The following KLF8 variants were observed in gnomAD, a reference collection of about 807,000 sequenced individuals.
KLF8 encodes Krueppel-like factor 8.
A neutral mutation model predicts 18.2 loss-of-function variants in KLF8; 10 were observed. The ratio of observed to expected loss-of-function variants is 0.55; its 90% CI spans 0.34 to 0.93. The LOEUF (loss-of-function observed/expected upper bound fraction) is 0.93. Among genes scored for constraint, KLF8 ranks in the 40% least tolerant of loss-of-function variants. The pLI is 0.02. For missense variants in KLF8, 264 were observed against 277.9 expected (o/e 0.95, Z 0.36); for synonymous variants, 109 against 97.3 (o/e 1.12, Z -0.71).
chrX:56,151,960 A>T, the KLF8 span, among the ~76,000 whole-genome samples: 1 of 111,331 alleles, frequency 9.0e-6, no homozygotes, highest in Non-Finnish European at 1.9e-5. Context: ...ATAGTACAAA[A>T]TACAAATAAT....
the KLF8 span, among the ~76,000 whole-genome samples, chrX:55,934,386 T>G: frequency 8.9e-6 from 1 of 111,863 alleles, no homozygotes; most frequent in African/African-American, 3.2e-5. Context: ...ATAGAAAAAG[T>G]TAAAGATCTC....
the KLF8 span, among the ~76,000 whole-genome samples, chrX:56,031,577 C>T: frequency 3.6e-5 from 4 of 111,726 alleles, no homozygotes; most frequent in Non-Finnish European, 3.8e-5. Flanking sequence ...AATTGCCTAC[C>T]CGGGAGCGCT....
the KLF8 span, among the ~76,000 whole-genome samples, chrX:56,199,255 A>C: frequency 0.078 from 8,765 of 111,832 alleles, 840 homozygotes; most frequent in African/African-American, 0.27. Context: ...TAATTAAACT[A>C]AAGAGCTTCT....
the KLF8 span, among the ~76,000 whole-genome samples, chrX:55,997,271 T>C: frequency 5.4e-4 from 60 of 111,807 alleles, no homozygotes; most frequent in Non-Finnish European, 1.1e-3. Context: ...GAAGCATCAT[T>C]AGCCAGTGCG....
At chrX:56,232,061 T>C (rs1469208998), upstream of KLF8, among the ~76,000 whole-genome samples, 1 of 111,402 alleles carries the variant, frequency 9.0e-6, no homozygotes, top group Non-Finnish European at 1.9e-5. Flanking sequence ...GTCAGCTTTT[T>C]TGTTTTCTCC....
chrX:56,054,912 T>C, the KLF8 span, among the ~76,000 whole-genome samples: 1 of 112,117 alleles, frequency 8.9e-6, no homozygotes, highest in Admixed American at 9.5e-5. Flanking sequence ...TTTTGTGCTT[T>C]CTTTTTTTTC....
At chrX:55,929,198 C>T in the KLF8 span, among the ~76,000 whole-genome samples, 118 of 112,242 alleles carry the variant, frequency 1.1e-3, no homozygotes, top group African/African-American at 3.3e-3. Context: ...TCATATCCTT[C>T]GCCCACTTTT....
the KLF8 span, among the ~76,000 whole-genome samples, chrX:55,989,707 T>C: frequency 8.9e-6 from 1 of 111,956 alleles, no homozygotes; most frequent in Non-Finnish European, 1.9e-5. Context: ...TCAGGATAAT[T>C]CTGGCCTCAT....
At chrX:56,004,363 T>C in the KLF8 span, among the ~76,000 whole-genome samples, 1 of 112,033 alleles carries the variant, frequency 8.9e-6, no homozygotes, top group African/African-American at 3.2e-5. Context: ...CATTGAGTAA[T>C]TGGGGGAGAG....
At chrX:55,924,637 T>C in the KLF8 span, among the ~76,000 whole-genome samples, 7 of 110,821 alleles carry the variant, frequency 6.3e-5, no homozygotes, top group Non-Finnish European at 1.3e-4. Context: ...ATAGAGCATC[T>C]ACTTAATGCC....
the KLF8 span, among the ~76,000 whole-genome samples, chrX:56,199,716 C>A: frequency 9.0e-6 from 1 of 111,700 alleles, no homozygotes; most frequent in Non-Finnish European, 1.9e-5. Context: ...TTTGGCCCAG[C>A]AATTCCTTTA....
At chrX:55,961,393 G>A in the KLF8 span, 17 of 494,897 alleles carry the variant, frequency 3.4e-5, no homozygotes, top group South Asian at 2.1e-4. Flanking sequence ...GAATCTGGGA[G>A]TTTGTGTCTA....
chrX:55,943,585 T>C, the KLF8 span, among the ~76,000 whole-genome samples: 2 of 111,460 alleles, frequency 1.8e-5, no homozygotes, highest in Admixed American at 1.9e-4. Flanking sequence ...CTGATAGCTC[T>C]TGGTAAGGTA....
chrX:56,141,634 G>A, the KLF8 span, among the ~76,000 whole-genome samples: 1 of 110,557 alleles, frequency 9.0e-6, no homozygotes, highest in Non-Finnish European at 1.9e-5. Context: ...GTGAATTTAT[G>A]GTATCTTTTT....
chrX:56,159,616 G>T, the KLF8 span, among the ~76,000 whole-genome samples: 3 of 112,399 alleles, frequency 2.7e-5, no homozygotes, highest in Non-Finnish European at 5.6e-5. Flanking sequence ...TTAGTCTTGG[G>T]AGGGTGTATG....
the KLF8 span, chrX:55,962,437 C>T: frequency 4.1e-6 from 1 of 243,238 alleles, no homozygotes; most frequent in Non-Finnish European, 7.7e-6. Context: ...TCACCTTCAG[C>T]AACATGGGCT....
chrX:56,222,391 C>A, the KLF8 span, among the ~76,000 whole-genome samples: 4 of 107,978 alleles, frequency 3.7e-5, no homozygotes, highest in Non-Finnish European at 5.8e-5. Context: ...ATTGATGCAT[C>A]CACAAACCCT....
chrX:55,938,466 C>T, the KLF8 span, among the ~76,000 whole-genome samples: 1 of 111,631 alleles, frequency 9.0e-6, no homozygotes, highest in Non-Finnish European at 1.9e-5. Flanking sequence ...ACGGCATCAA[C>T]TAACAAGTAA....
chrX:55,942,449 C>G, the KLF8 span, among the ~76,000 whole-genome samples: 2 of 110,260 alleles, frequency 1.8e-5, no homozygotes, highest in Non-Finnish European at 3.8e-5. Context: ...AGCACACCAA[C>G]ATTGCACATG....
Sources: gnomAD v4.1 joint callset for allele counts (sites outside exome capture counted in the v4.1 genomes callset) on GRCh38, gnomAD v4.1.1 for gene constraint, MANE v1.5 for transcripts, NCBI Gene and HGNC (gene_info 2026-07-23, HGNC 2026-07-21) for gene names.